DLGAP1: variants seen among roughly 807,000 people sequenced by gnomAD.
DLGAP1 encodes disks large-associated protein 1.
A neutral mutation model predicts 90.8 loss-of-function variants in DLGAP1; 11 were observed. The observed-to-expected ratio is 0.12, with a 90% confidence interval of 0.08 to 0.20. The LOEUF (loss-of-function observed/expected upper bound fraction) is 0.20, where lower values mean the gene tolerates loss of function less well. DLGAP1 is among the 10% of genes least tolerant of loss of function. DLGAP1 has a pLI of 1.00. For synonymous variants in DLGAP1, 558 were observed against 540.7 expected, an observed-to-expected ratio of 1.03 and a Z score of -0.44; for missense variants, 1,050 against 1,333.8, an observed-to-expected ratio of 0.79 and a Z score of 3.31.
intron 3 of DLGAP1, among the ~76,000 whole-genome samples, chr18:3,994,519 C>T (rs2074030289): frequency 6.6e-6 from 1 of 152,198 alleles, no homozygotes; most frequent in South Asian, 2.1e-4. Context: ...CTAAAAATAT[C>T]TCAAACCTGA....
In DLGAP1 at chr18:4,067,370, G is replaced by GAGGA. The variant is rs113554683; in HGVS notation, c.-158-62173_-158-62170dup. On this transcript the variant is annotated intron_variant, in intron 2 of 12. Coordinates refer to ENST00000315677, the MANE Select transcript of DLGAP1 (RefSeq NM_004746.4). Reference sequence around the variant, plus strand: ...AAAGGAAGGGAGGAAAGGAGGGAGGGAGGAAGGAAGGAAGGAAGGAAGGAA... The same window carrying GAGGA: ...AAAGGAAGGGAGGAAAGGAGGGAGGGAGGAAGGAAGGAAGGAAGGAAGGAAGGAA... Among the ~76,000 whole-genome samples the GAGGA allele has an allele frequency of 4.2e-3, 636 of 151,772 alleles. 3 individuals are homozygous for GAGGA. Among genetic ancestry groups the GAGGA allele is most frequent in the African/African-American group, 4.4e-3 (181 of 41,436 alleles).
chr18:4,372,099 T>C (rs922421283), intron 1 of DLGAP1, among the ~76,000 whole-genome samples: 2 of 147,388 alleles, frequency 1.4e-5, no homozygotes, highest in African/African-American at 5.0e-5. Flanking sequence ...ACTTAACACA[T>C]AGAAAATGTT....
At chr18:3,828,718 TC>T (rs2067870132) in intron 4 of DLGAP1, among the ~76,000 whole-genome samples, 1 of 145,480 alleles carries the variant, frequency 6.9e-6, no homozygotes, top group Non-Finnish European at 1.5e-5. Context: ...AACAATCCCA[TC>T]TTTTTATTAT....
intron 1 of DLGAP1, among the ~76,000 whole-genome samples, chr18:4,371,679 C>A (rs1264542041): frequency 6.6e-6 from 1 of 152,152 alleles, no homozygotes; most frequent in East Asian, 1.9e-4. Context: ...AGGAAGACTA[C>A]AAATGTATGA....
chr18:3,673,548 G>A (rs1319604284), intron 7 of DLGAP1, among the ~76,000 whole-genome samples: 1 of 152,148 alleles, frequency 6.6e-6, no homozygotes, highest in Non-Finnish European at 1.5e-5. Context: ...AGAGGAGGAT[G>A]ATTGCAACTC....
intron 3 of DLGAP1, among the ~76,000 whole-genome samples, chr18:3,965,920 G>A (rs1031630993): frequency 7.8e-5 from 11 of 141,906 alleles, no homozygotes; most frequent in African/African-American, 1.6e-4. Flanking sequence ...TGCACTGGGC[G>A]ACCGGGTAAG....
intron 3 of DLGAP1, among the ~76,000 whole-genome samples, chr18:3,994,598 C>A (rs186841267): frequency 2.2e-4 from 34 of 152,266 alleles, no homozygotes; most frequent in Non-Finnish European, 7.4e-5. Flanking sequence ...TAGAGGACAG[C>A]AAACCATTTA....
At chr18:3,911,576 G>T (rs1055470769) in intron 3 of DLGAP1, among the ~76,000 whole-genome samples, 1 of 152,298 alleles carries the variant, frequency 6.6e-6, no homozygotes, top group Non-Finnish European at 1.5e-5. Flanking sequence ...ATCTCATTGT[G>T]GGGTGTGTGG....
intron 1 of DLGAP1, among the ~76,000 whole-genome samples, chr18:4,438,709 G>A (rs897351482): frequency 3.9e-5 from 6 of 151,956 alleles, no homozygotes; most frequent in African/African-American, 1.5e-4. Flanking sequence ...CTCCTTGACA[G>A]GCATCCTAGC....
intron 1 of DLGAP1, among the ~76,000 whole-genome samples, chr18:4,305,173 G>A (rs1006468356): frequency 9.2e-5 from 14 of 152,050 alleles, no homozygotes; most frequent in East Asian, 1.9e-4. Context: ...GTGCTTATGC[G>A]GTGAAGGAAG....
chr18:3,695,384 G>T (rs2061057946), intron 7 of DLGAP1, among the ~76,000 whole-genome samples: 1 of 152,146 alleles, frequency 6.6e-6, no homozygotes, highest in Non-Finnish European at 1.5e-5. Context: ...TTTGTATAAG[G>T]TGTAAGGAAG....
At chr18:3,936,973 C>T (rs935499976) in intron 3 of DLGAP1, among the ~76,000 whole-genome samples, 1 of 152,142 alleles carries the variant, frequency 6.6e-6, no homozygotes, top group Non-Finnish European at 1.5e-5. Context: ...CTCCTTGGCT[C>T]TTATTTAAAA....
At chr18:4,394,073 T>C (rs1006080259) in intron 1 of DLGAP1, among the ~76,000 whole-genome samples, 8 of 152,168 alleles carry the variant, frequency 5.3e-5, no homozygotes, top group Non-Finnish European at 7.3e-5. Context: ...ACGTAGAAGG[T>C]ATGTAATAAA....
intron 1 of DLGAP1, among the ~76,000 whole-genome samples, chr18:4,295,813 C>T (rs1259682330): frequency 3.3e-5 from 5 of 152,292 alleles, no homozygotes; most frequent in South Asian, 4.1e-4. Flanking sequence ...AATTTGTGCT[C>T]GGTAAGTGTT....
chr18:4,072,900 A>G (rs535223049), intron 2 of DLGAP1, among the ~76,000 whole-genome samples: 18 of 152,348 alleles, frequency 1.2e-4, no homozygotes, highest in Non-Finnish European at 1.8e-4. Context: ...CAAAGGCAAG[A>G]TAATTTAAGT....
chr18:3,756,126 T>C (rs2063709404), intron 5 of DLGAP1, among the ~76,000 whole-genome samples: 1 of 152,088 alleles, frequency 6.6e-6, no homozygotes, highest in Non-Finnish European at 1.5e-5. Flanking sequence ...CTTGGCTCAC[T>C]GCAAGCTCCG....
At chr18:4,111,724 C>T (rs2075976153) in intron 2 of DLGAP1, among the ~76,000 whole-genome samples, 5 of 151,928 alleles carry the variant, frequency 3.3e-5, no homozygotes, top group African/African-American at 1.2e-4. Flanking sequence ...TTTGTGGGCA[C>T]ACATTATTAT....
At chr18:3,890,944 G>A (rs1395282033) in intron 3 of DLGAP1, among the ~76,000 whole-genome samples, 1 of 152,142 alleles carries the variant, frequency 6.6e-6, no homozygotes, top group Admixed American at 6.5e-5. Context: ...TAAGTTATCA[G>A]CCAAATAGTC....
At chr18:3,789,300 A>C (rs1484965010) in intron 5 of DLGAP1, among the ~76,000 whole-genome samples, 1 of 152,250 alleles carries the variant, frequency 6.6e-6, no homozygotes, top group Non-Finnish European at 1.5e-5. Context: ...AACAGAGAGG[A>C]AAGAACAAGT....
Sources: gnomAD v4.1 joint callset for allele counts (sites outside exome capture counted in the v4.1 genomes callset) on GRCh38, gnomAD v4.1.1 for gene constraint, MANE v1.5 for transcripts, NCBI Gene and HGNC (gene_info 2026-07-23, HGNC 2026-07-21) for gene names.